SGCZ: variants seen among roughly 807,000 people sequenced by gnomAD.
The protein encoded by SGCZ is zeta-sarcoglycan.
A neutral mutation model predicts 41.3 loss-of-function variants in SGCZ; 40 were observed. The observed-to-expected ratio is 0.97, with a 90% CI of 0.75 to 1.26. SGCZ has a LOEUF of 1.26. Ranked by LOEUF, SGCZ falls within the 50% of genes most tolerant of loss-of-function variation. The pLI is 0.00. For synonymous variants in SGCZ, 206 were observed against 137.5 expected, an observed-to-expected ratio of 1.50 and a Z score of -3.49; for missense variants, 552 against 369.8, an observed-to-expected ratio of 1.49 and a Z score of -4.04.
intron 1 of SGCZ, among the ~76,000 whole-genome samples, chr8:14,603,255 G>C (rs1877011): frequency 0.054 from 8,158 of 152,084 alleles, 248 homozygotes; most frequent in South Asian, 0.14. Context: ...AGCAACGTTA[G>C]ACATTGAAAA....
rs186890236 is a variant in SGCZ at position 14,435,201 on chromosome 8, C to T, written c.235-110997G>A. Among the ~76,000 whole-genome samples the T allele has an allele frequency of 2.3e-3, 353 of 152,180 alleles. 4 individuals are homozygous for T. Among genetic ancestry groups the T allele is most frequent in the African/African-American group, 7.8e-3 (324 of 41,534 alleles). On this transcript the variant is annotated intron_variant, in intron 2 of 7. Transcript: ENST00000382080. Reference sequence around the variant, plus strand: ...ATGGATTCTCAGGCAAACTGTAAAACGGTTAAATTTAATATCTTGCATATT... The same window carrying T: ...ATGGATTCTCAGGCAAACTGTAAAATGGTTAAATTTAATATCTTGCATATT...
At chr8:14,605,622 A>G (rs1805724584) in intron 1 of SGCZ, among the ~76,000 whole-genome samples, 2 of 152,084 alleles carry the variant, frequency 1.3e-5, no homozygotes, top group Non-Finnish European at 2.9e-5. Flanking sequence ...AGTTCAATTA[A>G]TTTTTAGGTT....
At chr8:14,853,630 C>A (rs756029169) in intron 1 of SGCZ, 2 of 358,782 alleles carry the variant, frequency 5.6e-6, no homozygotes, top group African/African-American at 2.1e-5. Flanking sequence ...CTTTAAAGAA[C>A]TGAATCTAAA....
chr8:14,840,275 G>A (rs922164850), intron 1 of SGCZ, among the ~76,000 whole-genome samples: 1 of 152,092 alleles, frequency 6.6e-6, no homozygotes, highest in African/African-American at 2.4e-5. Context: ...TATTGCAAGG[G>A]ATTGGTATTA....
chr8:14,873,940 G>C (rs922130121), intron 1 of SGCZ, among the ~76,000 whole-genome samples: 1 of 152,106 alleles, frequency 6.6e-6, no homozygotes, highest in East Asian at 1.9e-4. Flanking sequence ...AGGAAAGAAA[G>C]ATATGAAATG....
At chr8:14,226,316 A>G (rs897991855) in intron 4 of SGCZ, among the ~76,000 whole-genome samples, 5 of 152,092 alleles carry the variant, frequency 3.3e-5, no homozygotes, top group Admixed American at 6.6e-5. Flanking sequence ...ATTGCTGTGT[A>G]ATCATTACTA....
At chr8:14,192,158 C>T (rs1805124513) in intron 4 of SGCZ, among the ~76,000 whole-genome samples, 1 of 151,946 alleles carries the variant, frequency 6.6e-6, no homozygotes, top group African/African-American at 2.4e-5. Flanking sequence ...TCTTCATAAA[C>T]TTTCACATGG....
intron 1 of SGCZ, among the ~76,000 whole-genome samples, chr8:14,707,423 C>G (rs1448809969): frequency 6.6e-6 from 1 of 151,868 alleles, no homozygotes; most frequent in African/African-American, 2.4e-5. Context: ...TTAAGATTTC[C>G]CAAAACAAGG....
At chr8:14,600,044 A>T (rs1805537132) in intron 1 of SGCZ, among the ~76,000 whole-genome samples, 1 of 152,156 alleles carries the variant, frequency 6.6e-6, no homozygotes, top group Non-Finnish European at 1.5e-5. Context: ...AAGGAAGCAA[A>T]GCTATTCAAA....
intron 1 of SGCZ, among the ~76,000 whole-genome samples, chr8:15,054,544 A>G (rs1804633024): frequency 6.6e-6 from 1 of 152,192 alleles, no homozygotes; most frequent in Non-Finnish European, 1.5e-5. Context: ...TCTTGGGTGA[A>G]ACGAAGCCGT....
At chr8:14,239,947 C>T (rs1270072473) in intron 3 of SGCZ, among the ~76,000 whole-genome samples, 5 of 140,258 alleles carry the variant, frequency 3.6e-5, no homozygotes, top group Non-Finnish European at 6.1e-5. Context: ...GAATTACTGC[C>T]TTATTACACA....
At chr8:14,825,095 C>T (rs946205640) in intron 1 of SGCZ, among the ~76,000 whole-genome samples, 1 of 151,656 alleles carries the variant, frequency 6.6e-6, no homozygotes, top group African/African-American at 2.4e-5. Context: ...TCATCAGCAT[C>T]CAGCTAGTAA....
chr8:14,549,407 T>TA (rs1803731688), intron 2 of SGCZ, among the ~76,000 whole-genome samples: 3 of 152,020 alleles, frequency 2.0e-5, no homozygotes, highest in Admixed American at 6.6e-5. Flanking sequence ...GACATTCATT[T>TA]AAAAATGGGA....
chr8:14,184,360 T>C (rs1380174937), intron 4 of SGCZ, among the ~76,000 whole-genome samples: 1 of 152,154 alleles, frequency 6.6e-6, no homozygotes, highest in Non-Finnish European at 1.5e-5. Context: ...CATTAATTTA[T>C]CTTGAAGTCA....
intron 1 of SGCZ, among the ~76,000 whole-genome samples, chr8:15,083,551 A>T (rs1279178344): frequency 6.6e-6 from 1 of 152,092 alleles, no homozygotes; most frequent in African/African-American, 2.4e-5. Context: ...AATTAATTCA[A>T]TGTTGTTATT....
chr8:14,750,938 A>G (rs995438842), intron 1 of SGCZ, among the ~76,000 whole-genome samples: 2 of 152,218 alleles, frequency 1.3e-5, no homozygotes. Context: ...TCAGAAAGCA[A>G]TCAGGCTGAC....
chr8:14,616,893 G>C (rs1806123114), intron 1 of SGCZ, among the ~76,000 whole-genome samples: 1 of 151,966 alleles, frequency 6.6e-6, no homozygotes, highest in Non-Finnish European at 1.5e-5. Context: ...TAAAAATTTA[G>C]TTGGAAAGTT....
chr8:15,079,234 G>T (rs891576589), intron 1 of SGCZ, among the ~76,000 whole-genome samples: 1 of 151,982 alleles, frequency 6.6e-6, no homozygotes, highest in Non-Finnish European at 1.5e-5. Flanking sequence ...TTTATTATAG[G>T]CAGGAATGTA....
intron 1 of SGCZ, among the ~76,000 whole-genome samples, chr8:15,223,314 A>G (rs568766305): frequency 2.6e-5 from 4 of 152,312 alleles, no homozygotes; most frequent in African/African-American, 9.6e-5. Flanking sequence ...TCAGCTACAA[A>G]AACATAGCTT....
Sources: gnomAD v4.1 joint callset for allele counts (sites outside exome capture counted in the v4.1 genomes callset) on GRCh38, gnomAD v4.1.1 for gene constraint, MANE v1.5 for transcripts, NCBI Gene and HGNC (gene_info 2026-07-23, HGNC 2026-07-21) for gene names.